The following VPS41 variants were observed in gnomAD, a reference collection of about 807,000 sequenced individuals.
The protein encoded by VPS41 is VPS41 subunit of HOPS complex.
Under a neutral mutation model 130.9 loss-of-function variants are expected in VPS41, and 85 were observed. The ratio of observed to expected loss-of-function variants is 0.65; its 90% CI spans 0.55 to 0.78. VPS41 has a LOEUF of 0.78. Ranked by LOEUF, VPS41 falls within the 30% of genes least tolerant of loss-of-function variation. The probability of loss-of-function intolerance (pLI) is 0.00; values close to 1 mark genes in which losing one functional copy is unlikely to be tolerated. For missense variants in VPS41, 874 were observed against 1,018.7 expected (o/e 0.86, Z 1.93); for synonymous variants, 335 against 332.9 (o/e 1.01, Z -0.07).
chr7:38,753,464 G>A (rs963582645), intron 21 of VPS41, among the ~76,000 whole-genome samples: 2 of 152,024 alleles, frequency 1.3e-5, no homozygotes, highest in African/African-American at 4.8e-5. Flanking sequence ...CTGGCACTGG[G>A]GTCAGTGTGT....
chr7:38,742,145 T>G, intron 24 of VPS41, 24 bp from the exon 25 acceptor site: 3 of 1,586,890 alleles, frequency 1.9e-6, no homozygotes, highest in Non-Finnish European at 2.6e-6. Context: ...CATAAAACAA[T>G]GAACATATAA....
intron 2 of VPS41, among the ~76,000 whole-genome samples, chr7:38,875,749 C>T (rs1312421870): frequency 6.6e-6 from 1 of 152,204 alleles, no homozygotes; most frequent in Non-Finnish European, 1.5e-5. Context: ...GTGGTCAAAG[C>T]TCCCAGCATG....
At chr7:38,754,957 C>A in intron 19 of VPS41, 21 bp from the exon 20 acceptor site, 1 of 1,611,788 alleles carries the variant, frequency 6.2e-7, no homozygotes. Flanking sequence ...TAAGAAAAGC[C>A]ACAGTCAATG....
In VPS41 at chr7:38,725,484, C is replaced by CT. The variant is rs1355075667; in HGVS notation, c.*761dup. 6.6e-6 allele frequency: 1 copy of CT among 152,242 alleles called. No individual in the cohort carries two copies. The highest frequency in any genetic ancestry group is 1.5e-5 in the Non-Finnish European group (1 of 68,062). The allele number at this position is 152,242 out of a possible 1,614,324, so 9.4% of individuals were successfully genotyped here. ...CTCAGACTCGAAGGTGTTGAACTCT[C>CT]TTTTCTTCCTTACAAGGGTGCCAGA... On this transcript the variant is annotated 3_prime_UTR_variant, in exon 29 of 29. Coordinates refer to ENST00000310301, the MANE Select transcript of VPS41 (RefSeq NM_014396.4).
chr7:38,834,134 C>A (rs1197099719), intron 4 of VPS41, among the ~76,000 whole-genome samples: 1 of 151,196 alleles, frequency 6.6e-6, no homozygotes, highest in African/African-American at 2.4e-5. Context: ...TTTTAGCACA[C>A]AAGGAGAAAA....
intron 4 of VPS41, among the ~76,000 whole-genome samples, chr7:38,845,077 A>C (rs1053721656): frequency 1.3e-5 from 2 of 152,176 alleles, no homozygotes; most frequent in African/African-American, 4.8e-5. Flanking sequence ...GCCTCCTAAG[A>C]GGCTGGCATA....
intron 19 of VPS41, 120 bp from the exon 20 acceptor site, chr7:38,755,056 G>A: frequency 1.2e-6 from 1 of 839,794 alleles, no homozygotes; most frequent in South Asian, 1.7e-5. Context: ...TATACTTAAG[G>A]AGGCCCTTGG....
intron 3 of VPS41, among the ~76,000 whole-genome samples, chr7:38,863,614 AAAG>A (rs1786166515): frequency 6.6e-6 from 1 of 152,224 alleles, no homozygotes. Context: ...ACAAAAAGGG[AAAG>A]AAGGAGTTCA....
At chr7:38,791,303 C>T (rs1784530990) in intron 9 of VPS41, among the ~76,000 whole-genome samples, 1 of 152,194 alleles carries the variant, frequency 6.6e-6, no homozygotes, top group Non-Finnish European at 1.5e-5. Context: ...AAATGGACAA[C>T]TGTTTTAATG....
At chr7:38,900,725 T>C (rs114868835) in intron 1 of VPS41, among the ~76,000 whole-genome samples, 201 of 152,342 alleles carry the variant, frequency 1.3e-3, no homozygotes, top group African/African-American at 4.6e-3. Context: ...GGCTATGGAA[T>C]TGATGGAGAA....
intron 10 of VPS41, among the ~76,000 whole-genome samples, chr7:38,780,821 G>C (rs1784343139): frequency 6.6e-6 from 1 of 152,210 alleles, no homozygotes; most frequent in Non-Finnish European, 1.5e-5. Context: ...GATTTCTCAT[G>C]AATGGTCATT....
chr7:38,821,456 A>T (rs1785169660), intron 5 of VPS41, among the ~76,000 whole-genome samples, 191 bp from the exon 6 acceptor site: 1 of 152,238 alleles, frequency 6.6e-6, no homozygotes, highest in Non-Finnish European at 1.5e-5. Flanking sequence ...TAATCCCAGC[A>T]CTTTGAGAGG....
At chr7:38,891,981 A>C (rs2116418160) in intron 2 of VPS41, among the ~76,000 whole-genome samples, 1 of 152,136 alleles carries the variant, frequency 6.6e-6, no homozygotes, top group South Asian at 2.1e-4. Context: ...AGCATTATAT[A>C]TTTTGAGGTA....
At chr7:38,881,244 T>G (rs2116380631) in intron 2 of VPS41, among the ~76,000 whole-genome samples, 1 of 152,304 alleles carries the variant, frequency 6.6e-6, no homozygotes, top group South Asian at 2.1e-4. Flanking sequence ...TTCCAGCTTC[T>G]GAAAGCGCCA....
chr7:38,790,311 T>TC (rs3056339), intron 9 of VPS41, among the ~76,000 whole-genome samples: 9 of 150,150 alleles, frequency 6.0e-5, no homozygotes, highest in East Asian at 2.0e-4. Context: ...TTAATAATCT[T>TC]TTTTATGAAA....
chr7:38,825,456 C>T (rs1361886757), intron 5 of VPS41, among the ~76,000 whole-genome samples: 2 of 152,172 alleles, frequency 1.3e-5, no homozygotes, highest in African/African-American at 4.8e-5. Flanking sequence ...TCCCCTCTCT[C>T]TCCCTCTTTA....
At chr7:38,808,657 G>A (rs1784882645) in intron 7 of VPS41, among the ~76,000 whole-genome samples, 1 of 152,176 alleles carries the variant, frequency 6.6e-6, no homozygotes, top group African/African-American at 2.4e-5. Flanking sequence ...AATGTGGGAA[G>A]AAGTTTCAGG....
At chr7:38,811,596 TACACACACACAC>T (rs35859906) in intron 7 of VPS41, among the ~76,000 whole-genome samples, 1 of 148,572 alleles carries the variant, frequency 6.7e-6, no homozygotes, top group East Asian at 2.0e-4. Context: ...TGTTTTGTCA[TACACACACACAC>T]ACACACACAC....
At chr7:38,902,982 A>C (rs954832588) in intron 1 of VPS41, among the ~76,000 whole-genome samples, 1 of 152,200 alleles carries the variant, frequency 6.6e-6, no homozygotes, top group African/African-American at 2.4e-5. Context: ...CTACTGGAAA[A>C]ACATGTTGCT....
Sources: allele counts gnomAD v4.1 joint callset (sites outside exome capture counted in the v4.1 genomes callset), GRCh38; gene constraint gnomAD v4.1.1; transcripts MANE v1.5; gene names NCBI Gene and HGNC (gene_info 2026-07-23, HGNC 2026-07-21).